MRO: variants seen among roughly 807,000 people sequenced by gnomAD.
MRO encodes maestro.
In MRO, 28 loss-of-function variants were observed where a neutral mutation model predicts 31.0. The ratio of observed to expected loss-of-function variants is 0.90; its 90% confidence interval spans 0.67 to 1.24. The LOEUF (loss-of-function observed/expected upper bound fraction) is 1.24, where lower values mean the gene tolerates loss of function less well. Among genes scored for constraint, MRO ranks in the 50% most tolerant of loss-of-function variants. MRO has a pLI of 0.00. For missense variants in MRO, 332 were observed against 289.2 expected, an observed-to-expected ratio of 1.15 and a Z score of -1.07; for synonymous variants, 108 against 108.4, an observed-to-expected ratio of 1.00 and a Z score of 0.02.
chr18:50,820,165 T>C, upstream of MRO: 1 of 600,044 alleles, frequency 1.7e-6, no homozygotes, highest in Non-Finnish European at 3.0e-6. Flanking sequence ...TACATAATCC[T>C]GTTAGAGCGC....
At chr18:50,809,221 C>T (rs1914246714) in intron 3 of MRO, 81 bp downstream of exon 3, 1 of 879,390 alleles carries the variant, frequency 1.1e-6, no homozygotes, top group African/African-American at 1.8e-5. Flanking sequence ...GCAGGCCTAA[C>T]TAACCACAGA....
intron 7 of MRO, 79 bp from the exon 8 acceptor site, chr18:50,799,469 C>T: frequency 8.4e-7 from 1 of 1,195,948 alleles, no homozygotes; most frequent in Non-Finnish European, 1.2e-6. Context: ...AGGCAGTGAT[C>T]AGTGCAGGGC....
chr18:50,816,513 AACAAATAAAGAAGATCATTGTGAATTAC>A, intron 2 of MRO, among the ~76,000 whole-genome samples: 1 of 152,190 alleles, frequency 6.6e-6, no homozygotes, highest in East Asian at 1.9e-4. Context: ...CTTGTGGGTT[AACAAATAAAGAAGATCATTGTGAATTAC>A]TGCTTTGCAT....
intron 2 of MRO, among the ~76,000 whole-genome samples, chr18:50,817,331 C>T (rs902912263): frequency 6.6e-6 from 1 of 151,886 alleles, no homozygotes; most frequent in African/African-American, 2.4e-5. Context: ...CCCCGGGGTA[C>T]GTGTTACAAA....
intron 3 of MRO, among the ~76,000 whole-genome samples, chr18:50,807,256 C>A (rs1253610843): frequency 6.6e-6 from 1 of 152,154 alleles, no homozygotes; most frequent in Non-Finnish European, 1.5e-5. Flanking sequence ...CAGCTCTTTC[C>A]CATTTTTCTG....
intron 5 of MRO, among the ~76,000 whole-genome samples, chr18:50,803,974 T>C (rs780822007): frequency 2.0e-4 from 30 of 152,256 alleles, no homozygotes; most frequent in Non-Finnish European, 3.8e-4. Context: ...CTGAACGATG[T>C]GCCGGTGCAC....
At chr18:50,815,803 G>A (rs1424629566) in intron 2 of MRO, 2 of 305,882 alleles carry the variant, frequency 6.5e-6, no homozygotes, top group Non-Finnish European at 1.3e-5. Context: ...GGAAGCCGAG[G>A]TGAGCAGATC....
At chr18:50,817,994 A>ACC (rs1283098232) in intron 2 of MRO, among the ~76,000 whole-genome samples, 56 of 109,770 alleles carry the variant, frequency 5.1e-4, no homozygotes, top group Non-Finnish European at 7.5e-4. Context: ...AAGAACTCCC[A>ACC]CCCCCCGCCC....
chr18:50,821,524 T>A (rs1426590052), upstream of MRO, among the ~76,000 whole-genome samples: 3 of 152,124 alleles, frequency 2.0e-5, no homozygotes, highest in African/African-American at 7.2e-5. Flanking sequence ...AAAAAGGTAA[T>A]AAGATTATCC....
chr18:50,803,500 C>T (rs1913609531), intron 5 of MRO, among the ~76,000 whole-genome samples: 3 of 150,752 alleles, frequency 2.0e-5, no homozygotes, highest in Admixed American at 2.0e-4. Context: ...CAGCGAGACC[C>T]TGTCTCAAAA....
chr18:50,813,666 G>A (rs1047395717), intron 2 of MRO, among the ~76,000 whole-genome samples: 8 of 152,194 alleles, frequency 5.3e-5, no homozygotes, highest in African/African-American at 1.9e-4. Context: ...CCAGAATAAA[G>A]GGATTTTAAA....
intron 5 of MRO, among the ~76,000 whole-genome samples, chr18:50,804,281 TAGTC>T (rs1250170151): frequency 1.3e-5 from 2 of 152,226 alleles, no homozygotes; most frequent in African/African-American, 2.4e-5. Flanking sequence ...GACTACATGT[TAGTC>T]AATCAGTGTA....
At chr18:50,820,025 T>C, upstream of MRO, 2 of 1,432,112 alleles carry the variant, frequency 1.4e-6, no homozygotes, top group Non-Finnish European at 1.9e-6. Context: ...CTGGGGACCT[T>C]TCCTCTGCAC....
At position 50,797,110 on chromosome 18, in the gene MRO, C is replaced by G. The variant is rs1169415359; in HGVS notation, c.*2227G>C. 1 of 152,216 alleles carries G rather than the reference C, an allele frequency of 6.6e-6. No homozygotes were observed. The highest frequency in any genetic ancestry group is 1.9e-4 in the East Asian group (1 of 5,198). The allele number at this position is 152,216 out of a possible 1,614,324, so 9.4% of individuals were successfully genotyped here. A position where few individuals can be genotyped will look rare whatever the true frequency, so the allele number is the denominator to read the frequency against. On this transcript the variant is annotated 3_prime_UTR_variant, in exon 8 of 8. Transcript: ENST00000398439. ...ATCATTTGATTCTTTGTTCATGCTT[C>G]TGCAACTGACACAGGCTTGATGGAG...
chr18:50,806,116 A>G (rs927910845), intron 4 of MRO, among the ~76,000 whole-genome samples: 2 of 152,116 alleles, frequency 1.3e-5, no homozygotes, highest in African/African-American at 4.8e-5. Flanking sequence ...CAAAAATATA[A>G]AAGAAATGGG....
chr18:50,812,771 G>A (rs1415517614), intron 2 of MRO, among the ~76,000 whole-genome samples: 7 of 152,046 alleles, frequency 4.6e-5, no homozygotes, highest in Admixed American at 4.6e-4. Context: ...TAGGAGAGAT[G>A]GCAGGCAAGC....
At chr18:50,809,142 C>G (rs1264084952) in intron 3 of MRO, among the ~76,000 whole-genome samples, 160 bp downstream of exon 3, 3 of 66,446 alleles carry the variant, frequency 4.5e-5, no homozygotes, top group Non-Finnish European at 6.2e-5. Context: ...GAGACTCCGT[C>G]TCAAAAAAAA....
At chr18:50,806,565 G>A in intron 4 of MRO, 139 bp downstream of exon 4, 1 of 1,026,324 alleles carries the variant, frequency 9.7e-7, no homozygotes, top group South Asian at 1.6e-5. Context: ...GTTGCTGTAA[G>A]CTGCTAAGTG....
chr18:50,799,415 C>T (rs149609822), intron 7 of MRO, 25 bp from the exon 8 acceptor site: 71 of 1,608,968 alleles, frequency 4.4e-5, no homozygotes, highest in East Asian at 3.8e-4. Context: ...CAAAGGTACG[C>T]GTGAGGGCAG....
Sources: gnomAD v4.1 joint callset for allele counts (sites outside exome capture counted in the v4.1 genomes callset) on GRCh38, gnomAD v4.1.1 for gene constraint, MANE v1.5 for transcripts, NCBI Gene and HGNC (gene_info 2026-07-23, HGNC 2026-07-21) for gene names.